ATP11B: variants seen among roughly 807,000 people sequenced by gnomAD.
ATP11B encodes ATPase phospholipid transporting 11B (putative).
Under a neutral mutation model 157.8 loss-of-function variants are expected in ATP11B, and 81 were observed. That is an observed-to-expected ratio of 0.51 (90% CI 0.43 to 0.62). The LOEUF is 0.62. Ranked by LOEUF, ATP11B falls within the 20% of genes least tolerant of loss-of-function variation. The probability of loss-of-function intolerance (pLI) is 0.00; values close to 1 mark genes in which losing one functional copy is unlikely to be tolerated. For missense variants in ATP11B, 1,165 were observed against 1,402.2 expected (o/e 0.83, Z 2.70); for synonymous variants, 451 against 469.4 (o/e 0.96, Z 0.51).
At chr3:182,866,642 G>A (rs1721255463) in intron 14 of ATP11B, among the ~76,000 whole-genome samples, 199 bp downstream of exon 14, 1 of 146,962 alleles carries the variant, frequency 6.8e-6, no homozygotes, top group Non-Finnish European at 1.5e-5. Context: ...CTTGCATTGA[G>A]TCTTTTTTTA....
intron 20 of ATP11B, 50 bp from the exon 21 acceptor site, chr3:182,880,829 C>A: frequency 1.7e-6 from 2 of 1,204,102 alleles, no homozygotes; most frequent in Non-Finnish European, 2.3e-6. Context: ...TATATGAATG[C>A]AAGAAAATTG....
At chr3:182,916,352 A>G in intron 29 of ATP11B, 2 of 985,364 alleles carry the variant, frequency 2.0e-6, no homozygotes, top group South Asian at 9.4e-5. Context: ...AGTCAAGAGT[A>G]ATGGGCATCA....
chr3:182,818,181 T>C (rs963450396), intron 1 of ATP11B, among the ~76,000 whole-genome samples: 2 of 152,094 alleles, frequency 1.3e-5, no homozygotes, highest in Non-Finnish European at 2.9e-5. Context: ...GTTTGTGGAG[T>C]GGATGCTGAA....
rs993178064 is a variant in ATP11B, at chr3:182,915,534, A to T, written c.3452+1540A>T. Reference sequence around the variant, plus strand: ...ATCAAGATAGGAGTTAGACTAAGATACAATAGAACCTCTACAGAATTTTTT... The same window carrying T: ...ATCAAGATAGGAGTTAGACTAAGATTCAATAGAACCTCTACAGAATTTTTT... On this transcript the variant is annotated intron_variant, in intron 29 of 29. Transcript: ENST00000323116. The T allele has an allele frequency of 5.1e-5, 50 of 981,080 alleles. 1 individual carries two copies. Among genetic ancestry groups the T allele is most frequent in the Non-Finnish European group, 5.6e-5 (46 of 826,044 alleles). The allele number at this position is 981,080 out of a possible 1,614,324, so 60.8% of individuals were successfully genotyped here. A position where few individuals can be genotyped will look rare whatever the true frequency, so the allele number is the denominator to read the frequency against.
intron 25 of ATP11B, among the ~76,000 whole-genome samples, chr3:182,895,196 A>G (rs1253215439): frequency 6.6e-6 from 1 of 151,754 alleles, no homozygotes; most frequent in East Asian, 1.9e-4. Context: ...TGAGAGAGCT[A>G]AGTTGAGACC....
chr3:182,877,610 C>T (rs1722134472), intron 19 of ATP11B, among the ~76,000 whole-genome samples: 1 of 152,096 alleles, frequency 6.6e-6, no homozygotes, highest in Admixed American at 6.6e-5. Flanking sequence ...CCACTGCACT[C>T]CAGCCTGGGT....
At chr3:182,910,789 T>C (rs894104040) in intron 28 of ATP11B, among the ~76,000 whole-genome samples, 1 of 152,234 alleles carries the variant, frequency 6.6e-6, no homozygotes, top group African/African-American at 2.4e-5. Flanking sequence ...AGATCCTTGC[T>C]CTTTTGAGTT....
At chr3:182,805,671 G>A (rs908941634) in intron 1 of ATP11B, among the ~76,000 whole-genome samples, 2 of 150,014 alleles carry the variant, frequency 1.3e-5, no homozygotes, top group Non-Finnish European at 3.0e-5. Context: ...ATGTTGGTCA[G>A]ACTGGTCTCG....
chr3:182,803,548 C>T (rs1716141181), intron 1 of ATP11B, among the ~76,000 whole-genome samples: 1 of 152,126 alleles, frequency 6.6e-6, no homozygotes, highest in Admixed American at 6.5e-5. Context: ...CTTTTTATTA[C>T]ATATTTGACA....
intron 1 of ATP11B, among the ~76,000 whole-genome samples, chr3:182,807,312 T>C (rs9854159): frequency 0.035 from 5,288 of 152,180 alleles, 315 homozygotes; most frequent in African/African-American, 0.12. Context: ...AGTGGTATTC[T>C]GGAGATGGTG....
intron 12 of ATP11B, among the ~76,000 whole-genome samples, chr3:182,862,072 C>T (rs1233673866): frequency 6.6e-6 from 1 of 151,714 alleles, no homozygotes; most frequent in Non-Finnish European, 1.5e-5. Flanking sequence ...ATGGCAAAAC[C>T]CCATCTCTAC....
Position 182,798,718 on chromosome 3 carries a change from G to C in ATP11B, c.27+4932G>C, listed in dbSNP as rs575230511. ...GGTATCCACATATGGCTGTCGAAAT[G>C]TAGGCACTTGAAGTGTGTCTACTCT... On this transcript the variant is annotated intron_variant, in intron 1 of 29. Coordinates refer to ENST00000323116, the MANE Select transcript of ATP11B (RefSeq NM_014616.3). Among the ~76,000 whole-genome samples the C allele has an allele frequency of 2.0e-5, 3 of 152,344 alleles. No individual in the cohort carries two copies. The South Asian group carries it at 6.2e-4, about 32-fold the overall frequency.
chr3:182,793,894 G>C, intron 1 of ATP11B, 108 bp downstream of exon 1: 1 of 682,720 alleles, frequency 1.5e-6, no homozygotes, highest in Non-Finnish European at 2.0e-6. Context: ...CAGGGCGTGG[G>C]CGCCCGGCTA....
Position 182,886,011 on chromosome 3 carries a change from G to C in ATP11B, c.2715+1G>C. 6.8e-7 allele frequency: 1 copy of C among 1,481,216 alleles called. No individual in the cohort carries two copies. Among genetic ancestry groups the C allele is most frequent in the Non-Finnish European group, 8.9e-7 (1 of 1,123,222 alleles). 91.8% of individuals were successfully genotyped at this position (1,481,216 alleles called of 1,614,324 possible). On this transcript the variant is annotated splice_donor_variant, in intron 23 of 29. Coordinates refer to ENST00000323116, the MANE Select transcript of ATP11B (RefSeq NM_014616.3). LOFTEE classifies it high-confidence loss of function. ...GTTCTACTGTTTGTTTTCTCAGCAA[G>C]TAAGTAAATAGAAACTTGTGTTTTG... is the stretch of plus-strand genomic sequence containing the variant.
At chr3:182,805,454 CTTTTTT>C (rs1030710942) in intron 1 of ATP11B, among the ~76,000 whole-genome samples, 1 of 142,978 alleles carries the variant, frequency 7.0e-6, no homozygotes, top group Non-Finnish European at 1.5e-5. Flanking sequence ...GATATTTTTG[CTTTTTT>C]TTTTTTCTTT....
chr3:182,810,963 G>A (rs971376812), intron 1 of ATP11B, among the ~76,000 whole-genome samples: 1 of 151,938 alleles, frequency 6.6e-6, no homozygotes, highest in Admixed American at 6.6e-5. Context: ...GCTTATACAA[G>A]TAATTTTTTA....
At chr3:182,836,321 C>T in intron 5 of ATP11B, 21 bp from the exon 6 acceptor site, 1 of 1,612,300 alleles carries the variant, frequency 6.2e-7, no homozygotes, top group Non-Finnish European at 8.5e-7. Context: ...TAAATTCACT[C>T]TTCCCCAAAA....
At chr3:182,916,237 T>C (rs1357498391) in intron 29 of ATP11B, 1 of 985,224 alleles carries the variant, frequency 1.0e-6, no homozygotes, top group African/African-American at 1.7e-5. Context: ...GAGTAGCATC[T>C]ATTCTATGTT....
rs1034877667 is a variant in ATP11B at position 182,920,150 on chromosome 3, C to T, written c.*2046C>T. The T allele has an allele frequency of 3.3e-5, 5 of 152,256 alleles. No individual in the cohort carries two copies. The highest frequency in any genetic ancestry group is 6.5e-5 in the Admixed American group (1 of 15,290). The allele number at this position is 152,256 out of a possible 1,614,324, so 9.4% of individuals were successfully genotyped here. On this transcript the variant is annotated 3_prime_UTR_variant, in exon 30 of 30. Coordinates refer to ENST00000323116, the MANE Select transcript of ATP11B (RefSeq NM_014616.3). ...AAAGACTCCAAAGTCATAAAATAGC[C>T]TATGACCAACTGCAGCAAGACAGGA...
Sources: gnomAD v4.1 joint callset for allele counts (sites outside exome capture counted in the v4.1 genomes callset) on GRCh38, gnomAD v4.1.1 for gene constraint, MANE v1.5 for transcripts, NCBI Gene and HGNC (gene_info 2026-07-23, HGNC 2026-07-21) for gene names.